Variants in RXRA observed in about 807,000 individuals in gnomAD.
RXRA encodes the protein retinoid X receptor alpha.
Under a neutral mutation model 44.5 loss-of-function variants are expected in RXRA, and 5 were observed. The observed-to-expected ratio is 0.11, with a 90% CI of 0.06 to 0.24. The LOEUF (loss-of-function observed/expected upper bound fraction) is 0.24, where lower values mean the gene tolerates loss of function less well. RXRA is among the 10% of genes least tolerant of loss of function. RXRA has a pLI of 1.00. For synonymous variants in RXRA, 291 were observed against 271.4 expected (o/e 1.07, Z -0.71); for missense variants, 412 against 646.5 (o/e 0.64, Z 3.93).
chr9:134,429,328 A>C (rs1831491090), intron 7 of RXRA, 88 bp downstream of exon 7: 6 of 1,361,960 alleles, frequency 4.4e-6, no homozygotes, highest in Non-Finnish European at 6.1e-6. Flanking sequence ...CCCGGTGCAC[A>C]TCCTGCCTAG....
intron 6 of RXRA, chr9:134,424,435 C>G (rs1042162112): frequency 2.0e-6 from 2 of 985,354 alleles, no homozygotes; most frequent in African/African-American, 1.7e-5. Flanking sequence ...CCTTGCTGAC[C>G]TGTCTCCAGT....
chr9:134,363,795 G>C (rs547569717), intron 1 of RXRA, among the ~76,000 whole-genome samples: 2 of 152,200 alleles, frequency 1.3e-5, no homozygotes, highest in Non-Finnish European at 2.9e-5. Context: ...CCGGAGGTGC[G>C]ACCTGAGCAT....
At chr9:134,427,414 G>T (rs34769750) in intron 6 of RXRA, among the ~76,000 whole-genome samples, 1 of 152,340 alleles carries the variant, frequency 6.6e-6, no homozygotes, top group East Asian at 1.9e-4. Context: ...TCCCGAGTCT[G>T]TGACGGTATT....
chr9:134,329,507 C>T (rs552508433), intron 1 of RXRA, among the ~76,000 whole-genome samples: 2 of 152,320 alleles, frequency 1.3e-5, no homozygotes, highest in Non-Finnish European at 2.9e-5. Flanking sequence ...GGCTGCTGGG[C>T]CTGGACCCGA....
At chr9:134,387,492 C>T (rs1028883916) in intron 1 of RXRA, among the ~76,000 whole-genome samples, 9 of 152,244 alleles carry the variant, frequency 5.9e-5, no homozygotes, top group African/African-American at 2.2e-4. Flanking sequence ...AAAGTCCTTT[C>T]GCAATTTGTA....
chr9:134,436,896 C>T lies in RXRA; in HGVS notation c.*282C>T, dbSNP rs1831632310. On this transcript the variant is annotated 3_prime_UTR_variant, in exon 10 of 10. Coordinates refer to ENST00000481739, the MANE Select transcript of RXRA (RefSeq NM_002957.6). ...GCCTCCCCACCGGGCTCTCAGGACA[C>T]CCTGCCACACCCCACGGGGCTTGGG... is the stretch of plus-strand genomic sequence containing the variant. 1 of 429,140 alleles carries T rather than the reference C, an allele frequency of 2.3e-6. No individual in the cohort carries two copies. Among genetic ancestry groups the T allele is most frequent in the African/African-American group, 2.0e-5 (1 of 50,418 alleles). The allele number at this position is 429,140 out of a possible 1,614,324, so 26.6% of individuals were successfully genotyped here.
intron 1 of RXRA, among the ~76,000 whole-genome samples, chr9:134,386,488 G>T (rs1176051526): frequency 1.3e-5 from 2 of 152,260 alleles, no homozygotes; most frequent in Non-Finnish European, 2.9e-5. Flanking sequence ...CTGGGGCTGT[G>T]GGGGAGAGGA....
chr9:134,331,174 A>G (rs1366896627), intron 1 of RXRA, among the ~76,000 whole-genome samples: 13 of 152,184 alleles, frequency 8.5e-5, no homozygotes, highest in African/African-American at 3.1e-4. Context: ...GACCCTCCTC[A>G]GAGTCCCAAG....
intron 1 of RXRA, 62 bp from the exon 2 acceptor site, chr9:134,401,570 G>T: frequency 1.2e-6 from 2 of 1,602,994 alleles, no homozygotes; most frequent in Admixed American, 1.7e-5. Flanking sequence ...GGGGGAGCAG[G>T]CATTTGGTGG....
chr9:134,331,966 G>A (rs1293084607), intron 1 of RXRA, among the ~76,000 whole-genome samples: 1 of 152,228 alleles, frequency 6.6e-6, no homozygotes, highest in African/African-American at 2.4e-5. Context: ...TGGCCCGAGT[G>A]AGTGAGGTTT....
chr9:134,396,072 A>C (rs998041323), intron 1 of RXRA, among the ~76,000 whole-genome samples: 2 of 152,016 alleles, frequency 1.3e-5, no homozygotes, highest in African/African-American at 4.8e-5. Context: ...ATCTTCAACA[A>C]CCTCTGCTGT....
At chr9:134,428,904 G>A (rs1174745969) in intron 6 of RXRA, among the ~76,000 whole-genome samples, 1 of 152,198 alleles carries the variant, frequency 6.6e-6, no homozygotes, top group African/African-American at 2.4e-5. Context: ...GACTTCTCAG[G>A]GCCTTTCGTG....
intron 1 of RXRA, among the ~76,000 whole-genome samples, chr9:134,339,750 CGTGT>C (rs545902041): frequency 7.4e-6 from 1 of 134,484 alleles, no homozygotes; most frequent in Non-Finnish European, 1.6e-5. Flanking sequence ...TGTGAGATCC[CGTGT>C]GTGTCTGTGC....
At chr9:134,330,248 A>G (rs1834982123) in intron 1 of RXRA, among the ~76,000 whole-genome samples, 1 of 152,202 alleles carries the variant, frequency 6.6e-6, no homozygotes, top group African/African-American at 2.4e-5. Flanking sequence ...TTTGCAAGCC[A>G]AGACCTGCCC....
intron 1 of RXRA, among the ~76,000 whole-genome samples, chr9:134,389,934 C>T (rs1830775505): frequency 6.6e-6 from 1 of 152,208 alleles, no homozygotes; most frequent in Non-Finnish European, 1.5e-5. Context: ...TGCCTGCCAC[C>T]TGTTCACCCT....
chr9:134,396,815 A>AGGT (rs1346305261), intron 1 of RXRA, among the ~76,000 whole-genome samples: 1 of 152,194 alleles, frequency 6.6e-6, no homozygotes, highest in Non-Finnish European at 1.5e-5. Context: ...TCATCTAGAC[A>AGGT]GGTGACCTGA....
chr9:134,331,375 G>A (rs983943655), intron 1 of RXRA, among the ~76,000 whole-genome samples: 2 of 152,240 alleles, frequency 1.3e-5, no homozygotes, highest in Non-Finnish European at 1.5e-5. Flanking sequence ...TGGCCCGGCC[G>A]CTGTGGGGAG....
intron 4 of RXRA, among the ~76,000 whole-genome samples, chr9:134,413,030 G>A (rs1831174480): frequency 6.6e-6 from 1 of 152,222 alleles, no homozygotes. Flanking sequence ...CTGCAGGGAT[G>A]TGGCTGACCC....
rs568697679 is a variant in RXRA, at chr9:134,425,738, A to G, written c.911-3370A>G. 147 of 985,324 alleles carry G rather than the reference A, an allele frequency of 1.5e-4. No individual in the cohort carries two copies. In the African/African-American group the frequency reaches 2.5e-3, roughly 17 times the overall value. 61.0% of individuals were successfully genotyped at this position (985,324 alleles called of 1,614,324 possible). ...CTGGCCCCAGAACACAGGGTAAGCCAGGCTGGGCTCTTGTCACTGCCGCCC... is the reference window on the plus strand; with the variant it reads ...CTGGCCCCAGAACACAGGGTAAGCCGGGCTGGGCTCTTGTCACTGCCGCCC... On this transcript the variant is annotated intron_variant, in intron 6 of 9. Coordinates refer to ENST00000481739, the MANE Select transcript of RXRA (RefSeq NM_002957.6).
Sources: allele counts gnomAD v4.1 joint callset (sites outside exome capture counted in the v4.1 genomes callset), GRCh38; gene constraint gnomAD v4.1.1; transcripts MANE v1.5; gene names NCBI Gene and HGNC (gene_info 2026-07-23, HGNC 2026-07-21).